Variants in NDRG4 observed in about 807,000 individuals in gnomAD.
The protein encoded by NDRG4 is protein NDRG4.
NDRG4 carries 38 observed loss-of-function variants against 55.8 expected under a neutral mutation model. The ratio of observed to expected loss-of-function variants is 0.68; its 90% CI spans 0.53 to 0.89. The LOEUF is 0.89. NDRG4 is among the 40% of genes least tolerant of loss of function. The probability of loss-of-function intolerance (pLI) is 0.00; values close to 1 mark genes in which losing one functional copy is unlikely to be tolerated. For missense variants in NDRG4, 455 were observed against 468.6 expected (o/e 0.97, Z 0.27); for synonymous variants, 190 against 182.7 (o/e 1.04, Z -0.32).
intron 8 of NDRG4, chr16:58,507,245 TG>T: frequency 1.8e-6 from 1 of 557,034 alleles, no homozygotes. Flanking sequence ...CCTCCTCCCC[TG>T]GGGGCTTCCC....
chr16:58,510,943 C>T, intron 14 of NDRG4: 2 of 576,278 alleles, frequency 3.5e-6, no homozygotes, highest in Non-Finnish European at 3.1e-6. Flanking sequence ...GAAACAGACC[C>T]TCCTTAGAGG....
rs149322963 is a variant in NDRG4 at position 58,476,928 on chromosome 16, A to G, written c.-23-10828A>G. ...CCCTGAATGACAGGAACTCATCATA[A>G]GGGTAGCAGTTCTGACACTACTTTA... is the stretch of plus-strand genomic sequence containing the variant. On this transcript the variant is annotated intron_variant, in intron 1 of 15. Transcript: ENST00000258187. Among the ~76,000 whole-genome samples, 229 of 152,254 alleles carry G rather than the reference A, an allele frequency of 1.5e-3. 1 individual carries two copies. Among genetic ancestry groups the G allele is most frequent in the African/African-American group, 5.0e-3 (207 of 41,548 alleles).
intron 1 of NDRG4, among the ~76,000 whole-genome samples, chr16:58,484,982 C>T (rs1200337396): frequency 6.6e-6 from 1 of 151,146 alleles, no homozygotes; most frequent in Non-Finnish European, 1.5e-5. Context: ...CCCAGGTTCA[C>T]GCCATTCTCC....
chr16:58,492,337 C>A (rs1597204574), intron 2 of NDRG4, among the ~76,000 whole-genome samples: 1 of 152,242 alleles, frequency 6.6e-6, no homozygotes, highest in East Asian at 1.9e-4. Context: ...TCGTGCTCAC[C>A]CTGTTCCCAC....
At chr16:58,484,883 C>CT (rs572251728) in intron 1 of NDRG4, among the ~76,000 whole-genome samples, 5,274 of 133,864 alleles carry the variant, frequency 0.039, 318 homozygotes, top group African/African-American at 0.11. Context: ...TCATAACTTA[C>CT]TTTTTTTTTT....
At chr16:58,498,687 G>T (rs1597253561), upstream of NDRG4, among the ~76,000 whole-genome samples, 1 of 152,126 alleles carries the variant, frequency 6.6e-6, no homozygotes, top group Non-Finnish European at 1.5e-5. Context: ...GGACACTAGG[G>T]CTATCTCAGG....
At chr16:58,508,027 G>A (rs760824532) in intron 10 of NDRG4, 28 bp downstream of exon 10, 1 of 1,529,536 alleles carries the variant, frequency 6.5e-7, no homozygotes, top group South Asian at 1.3e-5. Context: ...GGCTCACTGG[G>A]GGTGGGAGGT....
chr16:58,508,476 GCA>G (rs1371783595), intron 10 of NDRG4, among the ~76,000 whole-genome samples: 1 of 152,198 alleles, frequency 6.6e-6, no homozygotes, highest in Non-Finnish European at 1.5e-5. Flanking sequence ...TGCCCCATCA[GCA>G]CAGAGCTGCT....
Position 58,512,020 on chromosome 16 carries a change from C to A in NDRG4, c.*444C>A, listed in dbSNP as rs1418632712. On this transcript the variant is annotated 3_prime_UTR_variant, in exon 15 of 15. Coordinates refer to ENST00000570248, the MANE Select transcript of NDRG4 (RefSeq NM_001242835.2). Reference sequence around the variant, plus strand: ...GGGAGACCCCTTCCCCCACCCTCCACCAAGCACACCTGTTTCTGTCTCATA... The same window carrying A: ...GGGAGACCCCTTCCCCCACCCTCCAACAAGCACACCTGTTTCTGTCTCATA... 8.7e-6 allele frequency: 4 copies of A among 459,462 alleles called. No individual in the cohort carries two copies. The highest frequency in any genetic ancestry group is 1.7e-5 in the Non-Finnish European group (4 of 229,070). 28.5% of individuals were successfully genotyped at this position (459,462 alleles called of 1,614,324 possible).
intron 2 of NDRG4, 64 bp downstream of exon 2, chr16:58,503,967 C>T (rs765376417): frequency 2.2e-5 from 35 of 1,572,760 alleles, no homozygotes; most frequent in South Asian, 4.4e-5. Flanking sequence ...GGTGAGGCCC[C>T]CCACCCTCCC....
At chr16:58,507,241 C>T in intron 8 of NDRG4, 1 of 559,946 alleles carries the variant, frequency 1.8e-6, no homozygotes, top group South Asian at 2.2e-5. Flanking sequence ...TTTTCCTCCT[C>T]CCCTGGGGGC....
At chr16:58,467,133 A>G (rs2031841357) in intron 1 of NDRG4, among the ~76,000 whole-genome samples, 1 of 152,196 alleles carries the variant, frequency 6.6e-6, no homozygotes, top group South Asian at 2.1e-4. Context: ...CTCGGCATCT[A>G]CGTCTCTAGG....
In NDRG4 at chr16:58,511,541, G is replaced by C; in HGVS notation, c.1024G>C (p.Gly342Arg). The part of the protein sequence containing the change: ...CTHSESSEGL[G>R]QVNHTMEVSC ...CCACTCAGAGAGCAGCGAGGGGCTG[G>C]GCCAGGTCAACCACACCATGGAGGT... The change falls in exon 15 of 15, where the codon GGC becomes CGC. Residue 342 changes from glycine (G) to arginine (R), a missense_variant. By Grantham distance (125) the Gly-to-Arg change is moderately radical. Transcript: ENST00000570248. 1 of 1,613,064 alleles carries C rather than the reference G, an allele frequency of 6.2e-7. No homozygotes were observed. Among genetic ancestry groups the C allele is most frequent in the Admixed American group, 1.7e-5 (1 of 60,026 alleles).
intron 1 of NDRG4, chr16:58,501,843 C>T (rs557999552): frequency 4.9e-5 from 19 of 387,734 alleles, no homozygotes; most frequent in Admixed American, 1.4e-4. Context: ...AGACACCCCT[C>T]ACACCCCTCA....
chr16:58,512,921 TGA>T lies in NDRG4; in HGVS notation c.*1349_*1350del, dbSNP rs2038949137. 1 of 152,630 alleles carries T rather than the reference TGA, an allele frequency of 6.6e-6. No individual in the cohort carries two copies. The allele number at this position is 152,630 out of a possible 1,614,324, so 9.5% of individuals were successfully genotyped here. On this transcript the variant is annotated 3_prime_UTR_variant, in exon 15 of 15. Transcript: ENST00000570248. ...AGGGTTGTGGCGGGTGTTCTGAGGCTGAGAGGACACCTATATGCGTATTTCCT... is the reference window on the plus strand; with the variant it reads ...AGGGTTGTGGCGGGTGTTCTGAGGCTGAGGACACCTATATGCGTATTTCCT...
intron 1 of NDRG4, among the ~76,000 whole-genome samples, chr16:58,479,405 G>A (rs1597111738): frequency 6.6e-6 from 1 of 152,198 alleles, no homozygotes; most frequent in South Asian, 2.1e-4. Context: ...CCACTCGGCT[G>A]TGCAGTGAGC....
chr16:58,489,168 T>C (rs1430037946), intron 2 of NDRG4, among the ~76,000 whole-genome samples: 3 of 151,920 alleles, frequency 2.0e-5, no homozygotes, highest in Non-Finnish European at 4.4e-5. Flanking sequence ...GGCGTGGTAG[T>C]GGGCGCCTGT....
At chr16:58,483,525 C>T (rs1165643828) in intron 1 of NDRG4, among the ~76,000 whole-genome samples, 1 of 152,208 alleles carries the variant, frequency 6.6e-6, no homozygotes, top group African/African-American at 2.4e-5. Context: ...TGAGGGGCCT[C>T]TTACATGTCT....
chr16:58,482,517 C>T (rs943416370), intron 1 of NDRG4, among the ~76,000 whole-genome samples: 1 of 152,160 alleles, frequency 6.6e-6, no homozygotes, highest in African/African-American at 2.4e-5. Flanking sequence ...GTCCCCACAT[C>T]GCATGACCCT....
Sources: allele counts gnomAD v4.1 joint callset (sites outside exome capture counted in the v4.1 genomes callset), GRCh38; gene constraint gnomAD v4.1.1; transcripts MANE v1.5; gene names NCBI Gene and HGNC (gene_info 2026-07-23, HGNC 2026-07-21).